DENND2B: variants seen among roughly 807,000 people sequenced by gnomAD.
DENND2B encodes DENN domain containing 2B.
Under a neutral mutation model 116.0 loss-of-function variants are expected in DENND2B, and 32 were observed. That is an observed-to-expected ratio of 0.28 (90% CI 0.21 to 0.37). The LOEUF (loss-of-function observed/expected upper bound fraction) is 0.37. Ranked by LOEUF, DENND2B falls within the 10% of genes least tolerant of loss-of-function variation. DENND2B has a pLI of 1.00. For synonymous variants in DENND2B, 588 were observed against 583.9 expected (o/e 1.01, Z -0.10); for missense variants, 1,276 against 1,477.7 (o/e 0.86, Z 2.24).
At chr11:8,706,879 G>A (rs2042692881) in intron 13 of DENND2B, among the ~76,000 whole-genome samples, 1 of 152,180 alleles carries the variant, frequency 6.6e-6, no homozygotes, top group Non-Finnish European at 1.5e-5. Flanking sequence ...AAATGGGTCA[G>A]GGAAGGCCCC....
Position 8,779,784 on chromosome 11 carries a change from G to A in DENND2B, c.-25-29059C>T, listed in dbSNP as rs139255084. On this transcript the variant is annotated intron_variant, in intron 1 of 19. Coordinates refer to ENST00000313726, the MANE Select transcript of DENND2B (RefSeq NM_213618.2). ...CCCGCCTCAGCCTCCCGAAGTGCTC[G>A]GATTACAGGCGTGAGCCACCACGCC... is the stretch of plus-strand genomic sequence containing the variant. Among the ~76,000 whole-genome samples, 1,504 of 152,236 alleles carry A rather than the reference G, an allele frequency of 9.9e-3. 21 individuals are homozygous for A. Among genetic ancestry groups the A allele is most frequent in the African/African-American group, 0.033 (1,376 of 41,544 alleles).
In DENND2B at chr11:8,867,533, A is replaced by G. The variant is rs191055417; in HGVS notation, c.-250+3421T>C. ...CTCATAATTAAGAAAGGTAATCTAA[A>G]TTCACTTTTACCTTACTAGTACCAA... On this transcript the variant is annotated intron_variant, in intron 2 of 6. Coordinates refer to the DENND2B transcript ENST00000524757. 1.0e-3 allele frequency among the ~76,000 whole-genome samples: 153 copies of G among 148,568 alleles called. 1 individual carries two copies. In the East Asian group the frequency reaches 0.024, roughly 23 times the overall value.
intron 1 of DENND2B, among the ~76,000 whole-genome samples, chr11:8,907,355 C>T (rs2064251861): frequency 6.6e-6 from 1 of 152,090 alleles, no homozygotes. Context: ...ATATTTGATC[C>T]ACAAGGGGCC....
upstream of DENND2B, chr11:8,811,610 C>A (rs1360836526): frequency 5.8e-6 from 2 of 346,856 alleles, no homozygotes; most frequent in Non-Finnish European, 1.0e-5. Context: ...CTCCCCCCTA[C>A]CCAGCATACA....
intron 1 of DENND2B, among the ~76,000 whole-genome samples, chr11:8,752,708 T>C (rs943739653): frequency 5.3e-5 from 8 of 152,328 alleles, no homozygotes; most frequent in African/African-American, 1.4e-4. Flanking sequence ...TTAGCTAATA[T>C]ATCACCATGG....
chr11:8,827,366 T>TG (rs2062018546), intron 4 of DENND2B, among the ~76,000 whole-genome samples: 1 of 152,350 alleles, frequency 6.6e-6, no homozygotes, highest in African/African-American at 2.4e-5. Context: ...AACTGGTAGA[T>TG]GCTAGCTCAT....
intron 11 of DENND2B, chr11:8,708,071 G>A: frequency 6.8e-7 from 1 of 1,476,052 alleles, no homozygotes. Context: ...CCAGCACCAG[G>A]TACCAGGCTC....
At chr11:8,753,927 T>C (rs2053059467) in intron 1 of DENND2B, among the ~76,000 whole-genome samples, 1 of 152,042 alleles carries the variant, frequency 6.6e-6, no homozygotes, top group South Asian at 2.1e-4. Flanking sequence ...TAGCCCTAAA[T>C]GTAAGAGCTA....
chr11:8,872,497 A>G (rs367994516), upstream of DENND2B, among the ~76,000 whole-genome samples: 171 of 151,990 alleles, frequency 1.1e-3, no homozygotes, highest in African/African-American at 3.8e-3. Flanking sequence ...AAAAAAAAAA[A>G]AAAAAGAAAA....
chr11:8,696,366 G>C lies in DENND2B; in HGVS notation c.3292+61C>G, dbSNP rs2040357145. The C allele has an allele frequency of 1.2e-5, 19 of 1,592,754 alleles. No homozygotes were observed. In the South Asian group the frequency reaches 2.1e-4, roughly 17 times the overall value. ...TCCAAGAGCTTCCATCATAGTGCCT[G>C]GTTCTTCAGCCCTGCTGTGGGTGAA... On this transcript the variant is annotated intron_variant, in intron 18 of 19. Transcript: ENST00000313726.
intron 1 of DENND2B, among the ~76,000 whole-genome samples, chr11:8,904,453 CA>C (rs1236487740): frequency 2.6e-5 from 4 of 151,938 alleles, no homozygotes. Flanking sequence ...AGAGTATCTA[CA>C]AAAAAACAAA....
At chr11:8,845,692 C>T (rs934892576) in intron 3 of DENND2B, among the ~76,000 whole-genome samples, 7 of 152,144 alleles carry the variant, frequency 4.6e-5, no homozygotes, top group African/African-American at 1.4e-4. Context: ...TTGAGTGCAA[C>T]TGAATTCTCA....
intron 1 of DENND2B, among the ~76,000 whole-genome samples, chr11:8,799,503 T>C (rs1447661971): frequency 6.6e-6 from 1 of 151,918 alleles, no homozygotes; most frequent in Non-Finnish European, 1.5e-5. Flanking sequence ...ATTGCCAAGC[T>C]TGTCTCACAT....
At chr11:8,749,238 A>G (rs1453878384) in intron 2 of DENND2B, among the ~76,000 whole-genome samples, 2 of 152,160 alleles carry the variant, frequency 1.3e-5, no homozygotes. Flanking sequence ...TTGGACACCA[A>G]CATGTTCTGG....
intron 4 of DENND2B, among the ~76,000 whole-genome samples, chr11:8,836,396 A>G (rs181775439): frequency 9.8e-4 from 144 of 147,018 alleles, no homozygotes; most frequent in African/African-American, 3.4e-3. Context: ...TGCAAAGACA[A>G]GCATCCTTCT....
In DENND2B at chr11:8,716,093, A is replaced by G. The variant is rs189062134; in HGVS notation, c.1630-275T>C. ...ACCTGTGCTCTCATCTGAGTGGAAA[A>G]AGAAGACTAAGTGGGAATTTTGCGG... On this transcript the variant is annotated intron_variant, in intron 5 of 19. Coordinates refer to ENST00000313726, the MANE Select transcript of DENND2B (RefSeq NM_213618.2). Among the ~76,000 whole-genome samples the G allele has an allele frequency of 1.9e-3, 288 of 152,348 alleles. 1 individual carries two copies. Among genetic ancestry groups the G allele is most frequent in the Middle Eastern group, 3.4e-3 (1 of 294 alleles).
chr11:8,872,010 G>C (rs2063788932), upstream of DENND2B, among the ~76,000 whole-genome samples: 1 of 152,154 alleles, frequency 6.6e-6, no homozygotes, highest in African/African-American at 2.4e-5. Flanking sequence ...AATGAAAATT[G>C]ACTTTTGAAG....
upstream of DENND2B, chr11:8,811,474 G>A: frequency 2.5e-6 from 1 of 395,044 alleles, no homozygotes; most frequent in Non-Finnish European, 4.5e-6. Context: ...CTAAGGTGCA[G>A]GCTTAGTGGG....
chr11:8,853,820 T>A (rs927897468), intron 3 of DENND2B, among the ~76,000 whole-genome samples: 1 of 151,976 alleles, frequency 6.6e-6, no homozygotes, highest in African/African-American at 2.4e-5. Flanking sequence ...TTTATTTTTT[T>A]AGAATGTACT....
Sources: allele counts gnomAD v4.1 joint callset (sites outside exome capture counted in the v4.1 genomes callset), GRCh38; gene constraint gnomAD v4.1.1; transcripts MANE v1.5; gene names NCBI Gene and HGNC (gene_info 2026-07-23, HGNC 2026-07-21).